The following DIAPH2 variants were observed in gnomAD, a reference collection of about 807,000 sequenced individuals.
The protein encoded by DIAPH2 is diaphanous related formin 2, also known as protein diaphanous homolog 2.
Under a neutral mutation model 92.7 loss-of-function variants are expected in DIAPH2, and 35 were observed. The observed-to-expected ratio is 0.38, with a 90% CI of 0.29 to 0.50. DIAPH2 has a LOEUF of 0.50. Among genes scored for constraint, DIAPH2 ranks in the 20% least tolerant of loss-of-function variants. The probability of loss-of-function intolerance (pLI) is 0.94; values close to 1 mark genes in which losing one functional copy is unlikely to be tolerated. For missense variants in DIAPH2, 701 were observed against 819.5 expected (o/e 0.86, Z 1.77); for synonymous variants, 301 against 280.4 (o/e 1.07, Z -0.73).
Position 96,920,164 on chromosome X carries a change from A to G in DIAPH2, c.978+1547A>G, listed in dbSNP as rs763796096. On this transcript the variant is annotated intron_variant, in intron 9 of 26. Transcript: ENST00000324765. ...CCAAAGTGCTGGGATTATATTACAT[A>G]TTTTAAAGATTAGTATATTTTTTCC... 1.1e-4 allele frequency among the ~76,000 whole-genome samples: 12 copies of G among 111,327 alleles called. No individual in the cohort carries two copies. The South Asian group carries it at 4.5e-3, about 42-fold the overall frequency.
chrX:97,259,854 G>A (rs2068275262), intron 23 of DIAPH2, among the ~76,000 whole-genome samples: 1 of 112,236 alleles, frequency 8.9e-6, no homozygotes, highest in Admixed American at 9.5e-5. Flanking sequence ...GTTTGAGACG[G>A]AGTCTCACTC....
chrX:96,752,882 C>T (rs1242313401), intron 3 of DIAPH2, among the ~76,000 whole-genome samples: 3 of 111,786 alleles, frequency 2.7e-5, no homozygotes, highest in Non-Finnish European at 5.6e-5. Flanking sequence ...TAATATACAC[C>T]AGGCTTGTCA....
At chrX:96,807,036 C>T (rs935093936) in intron 4 of DIAPH2, among the ~76,000 whole-genome samples, 1 of 112,033 alleles carries the variant, frequency 8.9e-6, no homozygotes, top group African/African-American at 3.2e-5. Context: ...GCCACCGCGC[C>T]TGGCCCTGGT....
chrX:96,733,315 A>G (rs1322668784), intron 1 of DIAPH2, among the ~76,000 whole-genome samples: 1 of 111,844 alleles, frequency 8.9e-6, no homozygotes, highest in Non-Finnish European at 1.9e-5. Context: ...TGGCCAGGGT[A>G]GGCCTCACTG....
chrX:97,350,905 ATATTCT>A (rs768058428), intron 24 of DIAPH2, among the ~76,000 whole-genome samples: 1 of 112,367 alleles, frequency 8.9e-6, no homozygotes, highest in African/African-American at 3.2e-5. Flanking sequence ...AAATAATTTG[ATATTCT>A]TATGTCCAGT....
intron 26 of DIAPH2, among the ~76,000 whole-genome samples, chrX:97,469,367 C>T (rs894836184): frequency 1.1e-4 from 12 of 111,962 alleles, no homozygotes; most frequent in African/African-American, 2.3e-4. Context: ...CATAGAAAGT[C>T]GCATCTATTC....
intron 26 of DIAPH2, among the ~76,000 whole-genome samples, chrX:97,450,603 C>T (rs1052190259): frequency 5.4e-5 from 6 of 111,192 alleles, no homozygotes; most frequent in Admixed American, 2.9e-4. Flanking sequence ...TTTCTCATCC[C>T]GCAGCCCCCA....
intron 26 of DIAPH2, chrX:97,454,061 G>A (rs1434188621): frequency 8.9e-6 from 1 of 112,167 alleles, no homozygotes; most frequent in East Asian, 2.8e-4. Context: ...ACAGGCGAAA[G>A]GAATGTGATC....
At chrX:96,993,241 C>T (rs2066083574) in intron 17 of DIAPH2, among the ~76,000 whole-genome samples, 1 of 111,487 alleles carries the variant, frequency 9.0e-6, no homozygotes, top group African/African-American at 3.3e-5. Context: ...GAGTTTTATA[C>T]CTTAGGCCCT....
At chrX:96,830,676 C>G (rs1039232943) in intron 4 of DIAPH2, among the ~76,000 whole-genome samples, 2 of 100,836 alleles carry the variant, frequency 2.0e-5, no homozygotes, top group Non-Finnish European at 4.0e-5. Flanking sequence ...TACAAATAAG[C>G]AATAAAATGC....
intron 4 of DIAPH2, among the ~76,000 whole-genome samples, chrX:96,837,309 A>G (rs1271223734): frequency 1.8e-5 from 2 of 110,514 alleles, no homozygotes; most frequent in East Asian, 5.7e-4. Context: ...GAATGAGTTT[A>G]CATCTAATAA....
At chrX:97,583,149 C>T (rs1340669178) in intron 26 of DIAPH2, among the ~76,000 whole-genome samples, 1 of 111,796 alleles carries the variant, frequency 8.9e-6, no homozygotes, top group Non-Finnish European at 1.9e-5. Flanking sequence ...GTAATTTGAT[C>T]GTCTGAAGTC....
intron 23 of DIAPH2, among the ~76,000 whole-genome samples, chrX:97,275,655 A>G (rs1325862049): frequency 2.9e-5 from 3 of 102,422 alleles, no homozygotes; most frequent in Non-Finnish European, 5.9e-5. Context: ...GCGGCCGGAC[A>G]GAGGCGCTCC....
intron 26 of DIAPH2, among the ~76,000 whole-genome samples, chrX:97,569,213 A>C (rs1053264777): frequency 1.8e-5 from 2 of 112,256 alleles, no homozygotes; most frequent in African/African-American, 6.5e-5. Flanking sequence ...GACAGTGAAC[A>C]TTAACATGAT....
At chrX:97,098,114 G>T (rs1027630674) in intron 19 of DIAPH2, among the ~76,000 whole-genome samples, 2 of 111,574 alleles carry the variant, frequency 1.8e-5, no homozygotes, top group African/African-American at 6.5e-5. Flanking sequence ...GAACAAAAGG[G>T]TACTTATAGT....
At chrX:97,195,674 A>AG (rs1334408148) in intron 22 of DIAPH2, among the ~76,000 whole-genome samples, 1 of 109,781 alleles carries the variant, frequency 9.1e-6, no homozygotes, top group Non-Finnish European at 1.9e-5. Flanking sequence ...AAAAAAAAAA[A>AG]AAAAAGTGGA....
At chrX:97,037,199 A>AT (rs1348576778) in intron 17 of DIAPH2, among the ~76,000 whole-genome samples, 1 of 111,426 alleles carries the variant, frequency 9.0e-6, no homozygotes, top group Non-Finnish European at 1.9e-5. Context: ...CCGTTTTTCT[A>AT]TTTAGCTAGG....
intron 17 of DIAPH2, among the ~76,000 whole-genome samples, chrX:97,032,012 T>C (rs2066378767): frequency 1.8e-5 from 2 of 111,877 alleles, no homozygotes; most frequent in Admixed American, 1.9e-4. Context: ...TAGTGTACTT[T>C]TAGGGAAAGT....
At chrX:97,129,848 C>T (rs138154828) in intron 21 of DIAPH2, among the ~76,000 whole-genome samples, 3,234 of 110,326 alleles carry the variant, frequency 0.029, 114 homozygotes, top group African/African-American at 0.1. Flanking sequence ...AGAATGTATT[C>T]GTAAATAATA....
Sources: gnomAD v4.1 joint callset for allele counts (sites outside exome capture counted in the v4.1 genomes callset) on GRCh38, gnomAD v4.1.1 for gene constraint, MANE v1.5 for transcripts, NCBI Gene and HGNC (gene_info 2026-07-23, HGNC 2026-07-21) for gene names.